The following CLDN14 variants were observed in gnomAD, a reference collection of about 807,000 sequenced individuals.
CLDN14 encodes the protein claudin-14.
CLDN14 carries 2 observed loss-of-function variants against 2.1 expected under a neutral mutation model. That is an observed-to-expected ratio of 0.96 (90% CI 0.39 to 3.01). CLDN14 has a LOEUF of 3.01. Ranked by LOEUF, CLDN14 falls within the 30% of genes most tolerant of loss-of-function variation. The pLI is 0.09. For synonymous variants in CLDN14, 136 were observed against 154.4 expected (o/e 0.88, Z 0.88); for missense variants, 298 against 328.0 (o/e 0.91, Z 0.71).
At chr21:36,496,331 G>A (rs2087017138) in intron 2 of CLDN14, among the ~76,000 whole-genome samples, 1 of 151,608 alleles carries the variant, frequency 6.6e-6, no homozygotes, top group Admixed American at 6.6e-5. Flanking sequence ...GAGGTACTTG[G>A]GAGGCTGAGG....
intron 1 of CLDN14, among the ~76,000 whole-genome samples, chr21:36,466,138 C>G (rs1031770738): frequency 2.0e-5 from 3 of 152,186 alleles, no homozygotes; most frequent in African/African-American, 7.2e-5. Context: ...CATCGTGACT[C>G]TCCCAGGAAA....
chr21:36,498,655 C>T lies in CLDN14; in HGVS notation c.-82+11708G>A, dbSNP rs1053446236. On this transcript the variant is annotated intron_variant, in intron 2 of 2. Coordinates refer to the CLDN14 transcript ENST00000342108. The surrounding 1 kb of genome is among the most constrained non-coding windows in gnomAD (Gnocchi z 4.9). ...TGGCTAAGCTCTCTTCCCCTCCACCCTGGAAAAAATGAACATAGGATCTGG... is the reference window on the plus strand; with the variant it reads ...TGGCTAAGCTCTCTTCCCCTCCACCTTGGAAAAAATGAACATAGGATCTGG... Among the ~76,000 whole-genome samples the T allele has an allele frequency of 6.6e-5, 10 of 152,186 alleles. No individual in the cohort carries two copies. Among genetic ancestry groups the T allele is most frequent in the Non-Finnish European group, 1.2e-4 (8 of 68,028 alleles).
chr21:36,508,230 A>T (rs954899182), intron 2 of CLDN14, among the ~76,000 whole-genome samples: 2 of 152,188 alleles, frequency 1.3e-5, no homozygotes, highest in African/African-American at 2.4e-5. Context: ...TTTGACTCAC[A>T]GTTATGGGTA....
intron 1 of CLDN14, among the ~76,000 whole-genome samples, chr21:36,475,299 G>A (rs994781971): frequency 8.5e-5 from 13 of 152,226 alleles, no homozygotes; most frequent in African/African-American, 2.4e-4. Context: ...GGGCCGTGGC[G>A]TCAAAGCTGG....
At chr21:36,530,296 G>T (rs905331158) in intron 1 of CLDN14, among the ~76,000 whole-genome samples, 1 of 148,926 alleles carries the variant, frequency 6.7e-6, no homozygotes. Flanking sequence ...CGGGGATGGG[G>T]ACAGTGGCGG....
intron 1 of CLDN14, among the ~76,000 whole-genome samples, chr21:36,523,600 T>C (rs905633539): frequency 4.0e-5 from 6 of 151,166 alleles, no homozygotes; most frequent in Non-Finnish European, 8.8e-5. Context: ...TACAAAAAAT[T>C]AGCCATGCGT....
intron 1 of CLDN14, among the ~76,000 whole-genome samples, chr21:36,467,905 G>A (rs368060184): frequency 1.2e-3 from 181 of 152,330 alleles, no homozygotes; most frequent in African/African-American, 3.7e-3. Context: ...CACAAGCCAG[G>A]TGTGTGGTGG....
intron 1 of CLDN14, among the ~76,000 whole-genome samples, chr21:36,565,433 A>T (rs199534009): frequency 6.3e-5 from 7 of 110,828 alleles, no homozygotes; most frequent in Admixed American, 4.3e-4. Context: ...TTTTTTTTTT[A>T]AATATGCAAC....
At chr21:36,533,797 A>G (rs139272422) in intron 1 of CLDN14, among the ~76,000 whole-genome samples, 142 of 152,292 alleles carry the variant, frequency 9.3e-4, no homozygotes, top group African/African-American at 3.2e-3. Context: ...TGATGAGAAC[A>G]CATGGACACA....
chr21:36,471,219 A>AC (rs34931101), intron 1 of CLDN14, among the ~76,000 whole-genome samples: 59,444 of 151,406 alleles, frequency 0.39, 13,035 homozygotes, highest in African/African-American at 0.61. Context: ...AAACAAACAA[A>AC]CATAAAAACA....
intron 1 of CLDN14, among the ~76,000 whole-genome samples, chr21:36,555,848 TGTGAGA>T (rs1333236845): frequency 1.4e-5 from 2 of 140,266 alleles, no homozygotes; most frequent in African/African-American, 5.3e-5. Context: ...TGTGTGTGTG[TGTGAGA>T]GAGAGAGAGT....
At chr21:36,565,060 G>A (rs1175419480) in intron 1 of CLDN14, among the ~76,000 whole-genome samples, 1 of 152,240 alleles carries the variant, frequency 6.6e-6, no homozygotes, top group Non-Finnish European at 1.5e-5. Flanking sequence ...GTAGTTTTAA[G>A]CCACTTGGTT....
At chr21:36,479,249 A>G (rs568754137) in intron 1 of CLDN14, among the ~76,000 whole-genome samples, 1 of 152,162 alleles carries the variant, frequency 6.6e-6, no homozygotes, top group South Asian at 2.1e-4. Context: ...GAACTGGATT[A>G]TTGTCGTTCC....
chr21:36,571,889 T>C (rs573454488), intron 1 of CLDN14, among the ~76,000 whole-genome samples: 1 of 152,210 alleles, frequency 6.6e-6, no homozygotes, highest in Admixed American at 6.5e-5. Context: ...GGTCAGCGTA[T>C]AGAAAATTTA....
chr21:36,486,410 C>G (rs1430053277), intron 2 of CLDN14: 1 of 1,226,212 alleles, frequency 8.2e-7, no homozygotes, highest in South Asian at 1.2e-5. Context: ...GCTCCTCATC[C>G]TGCCGCTGCT....
chr21:36,470,004 T>G (rs753302330), intron 1 of CLDN14, among the ~76,000 whole-genome samples: 11 of 151,360 alleles, frequency 7.3e-5, no homozygotes, highest in East Asian at 1.9e-4. Flanking sequence ...CATCTGAGAT[T>G]AAAAAAAATA....
intron 1 of CLDN14, among the ~76,000 whole-genome samples, chr21:36,559,644 T>A (rs1197397215): frequency 6.6e-6 from 1 of 152,254 alleles, no homozygotes; most frequent in Admixed American, 6.5e-5. Flanking sequence ...AACAAAGCTT[T>A]TCATCAAGGA....
At chr21:36,552,416 A>T (rs1669361150) in intron 1 of CLDN14, among the ~76,000 whole-genome samples, 1 of 152,228 alleles carries the variant, frequency 6.6e-6, no homozygotes, top group South Asian at 2.1e-4. Context: ...TTGAGCGGGC[A>T]CACTTAAGGA....
chr21:36,561,304 C>T (rs982942409), intron 1 of CLDN14, among the ~76,000 whole-genome samples: 3 of 152,206 alleles, frequency 2.0e-5, no homozygotes, highest in Admixed American at 1.3e-4. Flanking sequence ...TGGCTGTTCC[C>T]CACTGGGGTG....
Sources: gnomAD v4.1 joint callset for allele counts (sites outside exome capture counted in the v4.1 genomes callset) on GRCh38, gnomAD v4.1.1 for gene constraint, Gnocchi (gnomAD v3.1) non-coding constraint, MANE v1.5 for transcripts, NCBI Gene and HGNC (gene_info 2026-07-23, HGNC 2026-07-21) for gene names.